PRKCQ: variants seen among roughly 807,000 people sequenced by gnomAD.
PRKCQ encodes protein kinase C theta, also known as protein kinase C theta type.
In PRKCQ, 41 loss-of-function variants were observed where a neutral mutation model predicts 91.2. The ratio of observed to expected loss-of-function variants is 0.45; its 90% CI spans 0.35 to 0.58. PRKCQ has a LOEUF of 0.58. Among genes scored for constraint, PRKCQ ranks in the 20% least tolerant of loss-of-function variants. The probability of loss-of-function intolerance (pLI) is 0.00; values close to 1 mark genes in which losing one functional copy is unlikely to be tolerated. For missense variants in PRKCQ, 673 were observed against 896.5 expected, an observed-to-expected ratio of 0.75 and a Z score of 3.18; for synonymous variants, 307 against 316.9, an observed-to-expected ratio of 0.97 and a Z score of 0.33.
At chr10:6,456,633 G>C in intron 15 of PRKCQ, 41 bp downstream of exon 15, 1 of 1,609,916 alleles carries the variant, frequency 6.2e-7, no homozygotes. Flanking sequence ...CATGTGGCCA[G>C]GGCATGGTGA....
In PRKCQ at chr10:6,464,416, C is replaced by T. The variant is rs1835524224; in HGVS notation, c.1354-12G>A. 6.4e-7 allele frequency: 1 copy of T among 1,562,962 alleles called. No individual in the cohort carries two copies. Among genetic ancestry groups the T allele is most frequent in the Admixed American group, 1.9e-5 (1 of 52,762 alleles). On this transcript the variant is annotated splice_polypyrimidine_tract_variant and intron_variant, in intron 12 of 17. Transcript: ENST00000263125. ...AAAAAGAGGTTTTCCTGTGGAAAAA[C>T]AAAACAATTCCAACTTTTATTTCAT...
chr10:6,403,248 T>G, the PRKCQ span, among the ~76,000 whole-genome samples: 144,210 of 152,326 alleles, frequency 0.95, 68,746 homozygotes, highest in Non-Finnish European at 1. Flanking sequence ...TGCGGCAGGA[T>G]TCAGACTTCT....
rs1438740975 is a variant in PRKCQ, at chr10:6,465,374, A to G, written c.1354-970T>C. The stretch of plus-strand genomic sequence containing the variant: ...GTAGAGCTGGGGCCCTCGAGTGGCC[A>G]CAGTCAGAAGTAGGGCTGGGTGGTC... On this transcript the variant is annotated intron_variant, in intron 12 of 17. Coordinates refer to ENST00000263125, the MANE Select transcript of PRKCQ (RefSeq NM_006257.5). The surrounding 1 kb of genome is among the most constrained non-coding windows in gnomAD (Gnocchi z 4.4). Among the ~76,000 whole-genome samples, 1 of 152,232 alleles carries G rather than the reference A, an allele frequency of 6.6e-6. No homozygotes were observed. The highest frequency in any genetic ancestry group is 1.5e-5 in the Non-Finnish European group (1 of 68,042).
intron 12 of PRKCQ, among the ~76,000 whole-genome samples, chr10:6,474,162 G>C (rs935881366): frequency 6.6e-6 from 1 of 152,204 alleles, no homozygotes; most frequent in Non-Finnish European, 1.5e-5. Context: ...TATTGACCAA[G>C]AATGTTCAAC....
At chr10:6,473,328 T>A (rs1008786327) in intron 12 of PRKCQ, among the ~76,000 whole-genome samples, 1 of 152,250 alleles carries the variant, frequency 6.6e-6, no homozygotes, top group Non-Finnish European at 1.5e-5. Context: ...AACTTTGAGT[T>A]TGAATAAATG....
At chr10:6,574,282 C>T (rs759450756) in intron 1 of PRKCQ, among the ~76,000 whole-genome samples, 4 of 152,156 alleles carry the variant, frequency 2.6e-5, no homozygotes, top group African/African-American at 7.2e-5. Context: ...CTCTCTGAAA[C>T]GCTGGAGAGA....
intron 1 of PRKCQ, among the ~76,000 whole-genome samples, chr10:6,565,229 T>A (rs546497878): frequency 6.6e-6 from 1 of 152,350 alleles, no homozygotes; most frequent in African/African-American, 2.4e-5. Context: ...TCTCTCTTTA[T>A]GTTTACATAT....
chr10:6,432,937 T>G (rs1255022363), intron 16 of PRKCQ, among the ~76,000 whole-genome samples: 1 of 152,184 alleles, frequency 6.6e-6, no homozygotes, highest in Non-Finnish European at 1.5e-5. Flanking sequence ...TGCCTTATCT[T>G]TCAGGGCTCA....
At chr10:6,491,574 T>C in intron 8 of PRKCQ, 109 bp downstream of exon 8, 1 of 1,426,610 alleles carries the variant, frequency 7.0e-7, no homozygotes, top group Non-Finnish European at 9.5e-7. Context: ...TTGTCTGGGC[T>C]GGGTGTGGAA....
intron 8 of PRKCQ, 104 bp downstream of exon 8, chr10:6,491,579 G>T: frequency 6.8e-7 from 1 of 1,460,074 alleles, no homozygotes; most frequent in Non-Finnish European, 9.3e-7. Flanking sequence ...TGGGCTGGGT[G>T]TGGAAGTGGT....
chr10:6,437,883 G>A (rs1833780969), intron 16 of PRKCQ, among the ~76,000 whole-genome samples: 1 of 152,086 alleles, frequency 6.6e-6, no homozygotes, highest in Non-Finnish European at 1.5e-5. Context: ...TGGATCTCCT[G>A]ACCTCATGAC....
intron 2 of PRKCQ, among the ~76,000 whole-genome samples, chr10:6,513,547 CT>C (rs1336889122): frequency 6.6e-6 from 1 of 151,282 alleles, no homozygotes; most frequent in Non-Finnish European, 1.5e-5. Context: ...TCAAAGGCGG[CT>C]TTGAAAAACT....
the PRKCQ span, among the ~76,000 whole-genome samples, chr10:6,401,826 GA>G: frequency 1.3e-5 from 2 of 152,170 alleles, no homozygotes; most frequent in Non-Finnish European, 2.9e-5. Context: ...GTTACACTCT[GA>G]TTAAAGGCAG....
At chr10:6,550,458 A>G (rs1485576917) in intron 1 of PRKCQ, among the ~76,000 whole-genome samples, 1 of 152,102 alleles carries the variant, frequency 6.6e-6, no homozygotes, top group African/African-American at 2.4e-5. Flanking sequence ...ATGTTTAGTA[A>G]AGATGGGATT....
At chr10:6,422,848 A>G (rs1833037391), downstream of PRKCQ, among the ~76,000 whole-genome samples, 1 of 152,208 alleles carries the variant, frequency 6.6e-6, no homozygotes, top group African/African-American at 2.4e-5. Context: ...TCCTGTCCTC[A>G]TGGTGAGACA....
chr10:6,480,918 C>T (rs150511151), intron 11 of PRKCQ, among the ~76,000 whole-genome samples: 14 of 152,140 alleles, frequency 9.2e-5, no homozygotes, highest in Admixed American at 3.9e-4. Flanking sequence ...CCCCAGAGAA[C>T]ACACAATTTG....
intron 1 of PRKCQ, among the ~76,000 whole-genome samples, chr10:6,579,895 C>T (rs1421181501): frequency 6.6e-6 from 1 of 151,304 alleles, no homozygotes; most frequent in Non-Finnish European, 1.5e-5. Context: ...TCCCTCCCCG[C>T]AGGCCCCCTT....
chr10:6,433,097 A>C (rs761715589), intron 16 of PRKCQ, among the ~76,000 whole-genome samples: 17 of 152,034 alleles, frequency 1.1e-4, no homozygotes, highest in Non-Finnish European at 1.9e-4. Flanking sequence ...TACATCATCC[A>C]CTCCAACCAA....
chr10:6,556,089 CAGA>C (rs939947124), intron 1 of PRKCQ, among the ~76,000 whole-genome samples: 8 of 152,056 alleles, frequency 5.3e-5, no homozygotes, highest in African/African-American at 1.7e-4. Context: ...TGTTATACAG[CAGA>C]AGAATAACTT....
Sources: gnomAD v4.1 joint callset for allele counts (sites outside exome capture counted in the v4.1 genomes callset) on GRCh38, gnomAD v4.1.1 for gene constraint, Gnocchi (gnomAD v3.1) non-coding constraint, MANE v1.5 for transcripts, NCBI Gene and HGNC (gene_info 2026-07-23, HGNC 2026-07-21) for gene names.